The following INPP5D variants were observed in gnomAD, a reference collection of about 807,000 sequenced individuals.
INPP5D encodes the protein phosphatidylinositol 3,4,5-trisphosphate 5-phosphatase 1.
A neutral mutation model predicts 122.9 loss-of-function variants in INPP5D; 33 were observed. The ratio of observed to expected loss-of-function variants is 0.27; its 90% CI spans 0.20 to 0.36. INPP5D has a LOEUF of 0.36. Among genes scored for constraint, INPP5D ranks in the 10% least tolerant of loss-of-function variants. INPP5D has a pLI of 1.00. For synonymous variants in INPP5D, 584 were observed against 576.2 expected, an observed-to-expected ratio of 1.01 and a Z score of -0.19; for missense variants, 1,053 against 1,412.7, an observed-to-expected ratio of 0.75 and a Z score of 4.08.
At chr2:233,123,178 A>C (rs1265221312) in intron 3 of INPP5D, among the ~76,000 whole-genome samples, 1 of 152,070 alleles carries the variant, frequency 6.6e-6, no homozygotes, top group Non-Finnish European at 1.5e-5. Flanking sequence ...AGTCCCAGCC[A>C]GGTGCAGTGG....
intron 6 of INPP5D, chr2:233,140,211 G>C (rs905617184): frequency 7.9e-5 from 17 of 214,970 alleles, no homozygotes; most frequent in African/African-American, 3.9e-4. Flanking sequence ...AGCAGGGCCT[G>C]TTCCCATCAT....
At chr2:233,086,550 A>C (rs1691856713) in intron 2 of INPP5D, among the ~76,000 whole-genome samples, 1 of 152,072 alleles carries the variant, frequency 6.6e-6, no homozygotes, top group African/African-American at 2.4e-5. Flanking sequence ...CTGCCTTGTA[A>C]CCATGAGGAG....
intron 9 of INPP5D, among the ~76,000 whole-genome samples, chr2:233,150,946 G>A (rs976936048): frequency 1.3e-5 from 2 of 152,140 alleles, no homozygotes; most frequent in East Asian, 3.9e-4. Context: ...CAGGGAACGG[G>A]ACAGGGGGTT....
chr2:233,130,300 G>T (rs143239379), intron 4 of INPP5D, among the ~76,000 whole-genome samples: 13 of 152,192 alleles, frequency 8.5e-5, no homozygotes, highest in Non-Finnish European at 1.3e-4. Flanking sequence ...TTCCTGCTGG[G>T]CCACTTCTTC....
Position 233,206,684 on chromosome 2 carries a change from C to T in INPP5D, c.3568-22C>T. 1.3e-6 allele frequency: 1 copy of T among 772,442 alleles called. No individual in the cohort carries two copies. The highest frequency in any genetic ancestry group is 2.4e-5 in the East Asian group (1 of 40,834). The allele number at this position is 772,442 out of a possible 1,614,324, so 47.8% of individuals were successfully genotyped here. A position where few individuals can be genotyped will look rare whatever the true frequency, so the allele number is the denominator to read the frequency against. On this transcript the variant is annotated intron_variant, in intron 26 of 26. Transcript: ENST00000445964. The surrounding 1 kb of genome is among the most constrained non-coding windows in gnomAD (Gnocchi z 4.0). ...GCCTGGTGAGAATGAGCCCTGACAG[C>T]CCTTCTGTTCTTGTCCCACAGTGAA...
Position 233,165,824 on chromosome 2 carries a change from A to G in INPP5D, c.1555+1400A>G, listed in dbSNP as rs1179055092. On this transcript the variant is annotated intron_variant, in intron 13 of 26. Transcript: ENST00000445964. ...AGGGTGGGTGTCCGAGTGCATGTGC[A>G]TAAGTGCTAGAGCCTCTCTGTGTGT... 4.0e-5 allele frequency among the ~76,000 whole-genome samples: 6 copies of G among 149,820 alleles called. No individual in the cohort carries two copies. The Admixed American group carries it at 4.0e-4, about 10-fold the overall frequency.
chr2:233,178,111 T>C lies in INPP5D; in HGVS notation c.2071+765T>C, dbSNP rs780182105. Among the ~76,000 whole-genome samples the C allele has an allele frequency of 4.9e-4, 75 of 152,232 alleles. 1 individual carries two copies. The highest frequency in any genetic ancestry group is 1.5e-3 in the South Asian group (7 of 4,820). On this transcript the variant is annotated intron_variant, in intron 18 of 26. Transcript: ENST00000445964. ...AACATGTAATATTAAAATAAATAAT[T>C]ATGGAATAAGTTATCAAAACAATTA... is the stretch of plus-strand genomic sequence containing the variant.
intron 26 of INPP5D, chr2:233,205,687 A>G (rs1256919727): frequency 6.6e-6 from 1 of 152,140 alleles, no homozygotes; most frequent in African/African-American, 2.4e-5. Flanking sequence ...AGTCGCATTC[A>G]TACTTGAAAA....
Position 233,204,426 on chromosome 2 carries a change from C to A in INPP5D, c.3276C>A (p.Ala1092=). ...RLRSFTCSSS[A]EGRAAGGDKS... ...GCTCCTTCACGTGCTCATCCTCTGC[C>A]GAGGGCAGGGCGGCCGGCGGGGACA... Residue 1092 remains alanine, a synonymous_variant, in exon 26 of 27, where the codon GCC becomes GCA. Coordinates refer to ENST00000445964, the MANE Select transcript of INPP5D (RefSeq NM_001017915.3). 1.2e-6 allele frequency: 2 copies of A among 1,607,944 alleles called. No individual in the cohort carries two copies. Among genetic ancestry groups the A allele is most frequent in the East Asian group, 2.2e-5 (1 of 44,668 alleles).
intron 1 of INPP5D, 103 bp downstream of exon 1, chr2:233,060,715 C>A: frequency 7.1e-7 from 1 of 1,413,338 alleles, no homozygotes; most frequent in Non-Finnish European, 9.8e-7. Flanking sequence ...ACAGAGTGAT[C>A]TGACATGCAC....
chr2:233,107,786 C>T (rs1692506156), intron 2 of INPP5D, among the ~76,000 whole-genome samples: 2 of 152,058 alleles, frequency 1.3e-5, no homozygotes, highest in South Asian at 4.1e-4. Flanking sequence ...GTCATGATGT[C>T]CCTGCTGGCC....
In INPP5D at chr2:233,204,696, T is replaced by C; in HGVS notation, c.3546T>C (p.Pro1182=). 1.9e-6 allele frequency: 3 copies of C among 1,547,522 alleles called. No individual in the cohort carries two copies. Among genetic ancestry groups the C allele is most frequent in the Non-Finnish European group, 2.6e-6 (3 of 1,149,710 alleles). ...KHRPEEGPPG[P]LGRTAMQ is the part of the protein sequence containing the mutation. ...GGCCGGAGGAGGGGCCACCAGGGCC[T>C]CTAGGCAGGACTGCCATGCAGGTGC... is the stretch of plus-strand genomic sequence containing the variant. The change falls in exon 26 of 27, where the codon CCT becomes CCC. Residue 1182 remains proline, a synonymous_variant. Coordinates refer to ENST00000445964, the MANE Select transcript of INPP5D (RefSeq NM_001017915.3).
intron 2 of INPP5D, among the ~76,000 whole-genome samples, chr2:233,108,262 C>T (rs1445664423): frequency 6.6e-6 from 1 of 152,150 alleles, no homozygotes; most frequent in Non-Finnish European, 1.5e-5. Flanking sequence ...GCTAGAGAGT[C>T]CGGGGATCCC....
intron 5 of INPP5D, among the ~76,000 whole-genome samples, chr2:233,136,095 A>G (rs552442799): frequency 2.0e-5 from 3 of 152,338 alleles, no homozygotes; most frequent in Non-Finnish European, 4.4e-5. Context: ...GAGTAATCAA[A>G]CCACTGCATA....
At chr2:233,070,951 C>T (rs1691364640) in intron 1 of INPP5D, among the ~76,000 whole-genome samples, 1 of 151,934 alleles carries the variant, frequency 6.6e-6, no homozygotes, top group Non-Finnish European at 1.5e-5. Context: ...CATTTAATCT[C>T]TCTGGAATTA....
At chr2:233,107,894 C>T (rs1363405915) in intron 2 of INPP5D, among the ~76,000 whole-genome samples, 1 of 152,180 alleles carries the variant, frequency 6.6e-6, no homozygotes, top group African/African-American at 2.4e-5. Flanking sequence ...TGCCACGGCA[C>T]TCCCTTCTGC....
chr2:233,171,231 G>A, intron 17 of INPP5D, 79 bp downstream of exon 17: 5 of 1,544,006 alleles, frequency 3.2e-6, no homozygotes, highest in Non-Finnish European at 2.6e-6. Flanking sequence ...TGAACAGAAA[G>A]TGTCTTCATC....
chr2:233,151,882 C>T (rs1398562829), intron 9 of INPP5D, among the ~76,000 whole-genome samples: 2 of 152,198 alleles, frequency 1.3e-5, no homozygotes, highest in Non-Finnish European at 2.9e-5. Context: ...AATGAATGCA[C>T]ACATGAATGA....
chr2:233,099,405 C>A (rs987863976), intron 2 of INPP5D, among the ~76,000 whole-genome samples: 1 of 152,240 alleles, frequency 6.6e-6, no homozygotes, highest in African/African-American at 2.4e-5. Flanking sequence ...GAAGGCCTGC[C>A]TCCTGGATCC....
Sources: allele counts gnomAD v4.1 joint callset (sites outside exome capture counted in the v4.1 genomes callset), GRCh38; gene constraint gnomAD v4.1.1; non-coding constraint Gnocchi (gnomAD v3.1); transcripts MANE v1.5; gene names NCBI Gene and HGNC (gene_info 2026-07-23, HGNC 2026-07-21).